NUBP1: variants seen among roughly 807,000 people sequenced by gnomAD.
The protein encoded by NUBP1 is cytosolic Fe-S cluster assembly factor NUBP1.
A neutral mutation model predicts 41.8 loss-of-function variants in NUBP1; 46 were observed. The ratio of observed to expected loss-of-function variants is 1.10; its 90% confidence interval spans 0.87 to 1.41. The LOEUF is 1.41. Ranked by LOEUF, NUBP1 falls within the 40% of genes most tolerant of loss-of-function variation. The pLI, the probability that NUBP1 is intolerant of heterozygous loss-of-function variation, is 0.00. For missense variants in NUBP1, 494 were observed against 414.0 expected, an observed-to-expected ratio of 1.19 and a Z score of -1.68; for synonymous variants, 189 against 154.6, an observed-to-expected ratio of 1.22 and a Z score of -1.65.
chr16:10,768,994 G>T lies in NUBP1; in HGVS notation c.905-53G>T. 6.5e-7 allele frequency: 1 copy of T among 1,536,196 alleles called. No homozygotes were observed. The highest frequency in any genetic ancestry group is 2.2e-5 in the East Asian group (1 of 44,514). On this transcript the variant is annotated intron_variant, in intron 10 of 10. Transcript: ENST00000283027. This position sits in a 1 kb window ranked among gnomAD's most constrained non-coding sequence, Gnocchi z 4.3. Reference sequence around the variant, plus strand: ...GCCCTCCCCAGCACAGGACAGGGCTGTCAAGGGGTAGACAAGCCATTAGCA... The same window carrying T: ...GCCCTCCCCAGCACAGGACAGGGCTTTCAAGGGGTAGACAAGCCATTAGCA...
In NUBP1 at chr16:10,767,790, C is replaced by G. The variant is rs1405533191; in HGVS notation, c.821-159C>G. ...CTGGGGACCCTGCTGGAAGGAAGGT[C>G]CCTGAGACCCCACTGGTCTTTTCTA... On this transcript the variant is annotated intron_variant, in intron 9 of 10. Transcript: ENST00000283027. The surrounding 1 kb of genome is among the most constrained non-coding windows in gnomAD (Gnocchi z 4.6). The G allele has an allele frequency of 1.6e-6, 1 of 641,780 alleles. No homozygotes were observed. The highest frequency in any genetic ancestry group is 1.8e-5 in the African/African-American group (1 of 54,586). The allele number at this position is 641,780 out of a possible 1,614,324, so 39.8% of individuals were successfully genotyped here. A position where few individuals can be genotyped will look rare whatever the true frequency, so the allele number is the denominator to read the frequency against.
intron 9 of NUBP1, among the ~76,000 whole-genome samples, chr16:10,762,857 G>A (rs891666029): frequency 6.6e-6 from 1 of 152,184 alleles, no homozygotes; most frequent in Non-Finnish European, 1.5e-5. Context: ...GAGGCGGGGA[G>A]GGCGGAGGCC....
At position 10,749,098 on chromosome 16, in the gene NUBP1, A is replaced by C. The variant is rs1900188156; in HGVS notation, c.258+1822A>C. ...AGACAAGACTCCATTTAAAAAAAAA[A>C]AAGGATATAGATAGATACACAGACA... On this transcript the variant is annotated intron_variant, in intron 3 of 10. Transcript: ENST00000283027. The surrounding 1 kb of genome is among the most constrained non-coding windows in gnomAD (Gnocchi z 4.1). Among the ~76,000 whole-genome samples the C allele has an allele frequency of 6.8e-6, 1 of 147,850 alleles. No individual in the cohort carries two copies. Among genetic ancestry groups the C allele is most frequent in the African/African-American group, 2.6e-5 (1 of 38,854 alleles).
chr16:10,753,493 G>A (rs1900418031), intron 4 of NUBP1, among the ~76,000 whole-genome samples: 1 of 151,788 alleles, frequency 6.6e-6, no homozygotes, highest in Non-Finnish European at 1.5e-5. Flanking sequence ...CTCCAAGAGA[G>A]GATTCCCCCA....
intron 2 of NUBP1, 33 bp downstream of exon 2, chr16:10,744,098 AG>A (rs1899944973): frequency 7.4e-7 from 1 of 1,348,204 alleles, no homozygotes; most frequent in Admixed American, 2.7e-5. Context: ...ACAGGAACTT[AG>A]AGGCGCAGGC....
Position 10,768,164 on chromosome 16 carries a change from A to G in NUBP1, c.904+132A>G. On this transcript the variant is annotated intron_variant, in intron 10 of 10. Coordinates refer to ENST00000283027, the MANE Select transcript of NUBP1 (RefSeq NM_002484.4). The surrounding 1 kb of genome is among the most constrained non-coding windows in gnomAD (Gnocchi z 4.3). ...ACAGAGTGGCCCCCATAGCCGAGGA[A>G]GCCAGGAGTCCATGAGAAATCTCTC... The G allele has an allele frequency of 2.8e-6, 2 of 703,398 alleles. No individual in the cohort carries two copies. The highest frequency in any genetic ancestry group is 1.7e-5 in the South Asian group (1 of 57,196). The allele number at this position is 703,398 out of a possible 1,614,324, so 43.6% of individuals were successfully genotyped here. A position where few individuals can be genotyped will look rare whatever the true frequency, so the allele number is the denominator to read the frequency against.
chr16:10,743,856 G>C lies in NUBP1; in HGVS notation c.-8G>C. 1.3e-6 allele frequency: 2 copies of C among 1,562,812 alleles called. No individual in the cohort carries two copies. The highest frequency in any genetic ancestry group is 1.2e-5 in the South Asian group (1 of 84,792). On this transcript the variant is annotated 5_prime_UTR_variant, in exon 1 of 11. Coordinates refer to ENST00000283027, the MANE Select transcript of NUBP1 (RefSeq NM_002484.4). ...TCCGGTGACCACGAAGGCGGCAAAG[G>C]CGACGGAATGGAGGAGGTGCCTCAC...
chr16:10,762,627 G>C (rs1251262992), intron 9 of NUBP1, among the ~76,000 whole-genome samples: 2 of 152,260 alleles, frequency 1.3e-5, no homozygotes, highest in South Asian at 2.1e-4. Flanking sequence ...TTAGGTCTGA[G>C]GGGAGAACAG....
chr16:10,747,291 A>G lies in NUBP1; in HGVS notation c.258+15A>G. On this transcript the variant is annotated intron_variant, in intron 3 of 10. Coordinates refer to ENST00000283027, the MANE Select transcript of NUBP1 (RefSeq NM_002484.4). ...AAAACACACAGGTGAGACCTCAGGA[A>G]CCACTGGGAGATGCTCATTTTGTCT... 6.2e-7 allele frequency: 1 copy of G among 1,611,930 alleles called. No homozygotes were observed. Among genetic ancestry groups the G allele is most frequent in the Non-Finnish European group, 8.5e-7 (1 of 1,179,446 alleles).
At chr16:10,752,106 G>C (rs1225189255) in intron 3 of NUBP1, among the ~76,000 whole-genome samples, 2 of 152,200 alleles carry the variant, frequency 1.3e-5, no homozygotes, top group Non-Finnish European at 2.9e-5. Flanking sequence ...TGCTTAAATA[G>C]TCTAGATTTG....
At chr16:10,762,459 C>A (rs901407269) in intron 9 of NUBP1, among the ~76,000 whole-genome samples, 1 of 152,228 alleles carries the variant, frequency 6.6e-6, no homozygotes, top group Non-Finnish European at 1.5e-5. Context: ...TCCACCCACA[C>A]GCCCGCCGGG....
chr16:10,748,115 T>A lies in NUBP1; in HGVS notation c.258+839T>A, dbSNP rs374825493. 5.9e-5 allele frequency among the ~76,000 whole-genome samples: 9 copies of A among 152,232 alleles called. No homozygotes were observed. The South Asian group carries it at 1.5e-3, about 25-fold the overall frequency. On this transcript the variant is annotated intron_variant, in intron 3 of 10. Transcript: ENST00000283027. ...ACAGGTGCTTGCCACCATGCCCGGC[T>A]AATTTTTGGGTTTTTTGTAGAGATG...
rs954185470 is a variant in NUBP1 at position 10,749,078 on chromosome 16, A to G, written c.258+1802A>G. Reference sequence around the variant, plus strand: ...TGCACTCCAGCCTGGGTGACAGACAAGACTCCATTTAAAAAAAAAAAAGGA... The same window carrying G: ...TGCACTCCAGCCTGGGTGACAGACAGGACTCCATTTAAAAAAAAAAAAGGA... On this transcript the variant is annotated intron_variant, in intron 3 of 10. Transcript: ENST00000283027. This position sits in a 1 kb window ranked among gnomAD's most constrained non-coding sequence, Gnocchi z 4.1. 8.6e-5 allele frequency among the ~76,000 whole-genome samples: 13 copies of G among 151,132 alleles called. No individual in the cohort carries two copies. The highest frequency in any genetic ancestry group is 1.6e-4 in the Non-Finnish European group (11 of 67,802).
rs567164251 is a variant in NUBP1, at chr16:10,757,966, C to T, written c.545C>T (p.Ser182Leu). 45 of 1,614,096 alleles carry T rather than the reference C, an allele frequency of 2.8e-5. No homozygotes were observed. The highest frequency in any genetic ancestry group is 1.1e-4 in the East Asian group (5 of 44,872). Residue 182 changes from serine to leucine, a missense_variant, in exon 7 of 11, where the codon TCG (serine) becomes TTG (leucine). Coordinates refer to ENST00000283027, the MANE Select transcript of NUBP1 (RefSeq NM_002484.4). The surrounding 1 kb of genome is among the most constrained non-coding windows in gnomAD (Gnocchi z 4.1). ...CCTGGGACGTCGGATGAACACCTCT[C>T]GGTCGTCCGGTACCTGGCCACAGCA... Reference protein sequence around the residue: ...TPPGTSDEHLSVVRYLATAHI... With the variant: ...TPPGTSDEHLLVVRYLATAHI...
intron 2 of NUBP1, 103 bp from the exon 3 acceptor site, chr16:10,747,040 A>C (rs1900093379): frequency 7.4e-7 from 1 of 1,356,694 alleles, no homozygotes; most frequent in Non-Finnish European, 1.0e-6. Flanking sequence ...CAGCCCCAGG[A>C]CTAGTACTAG....
Position 10,765,374 on chromosome 16 carries a change from G to A in NUBP1, c.821-2575G>A, listed in dbSNP as rs2030724647. ...AGGAAAAAATTCACCCAGTGTGGTG[G>A]CATGTGCCTGTGGTCCCAGCTACTC... On this transcript the variant is annotated intron_variant, in intron 9 of 10. Transcript: ENST00000283027. This position sits in a 1 kb window ranked among gnomAD's most constrained non-coding sequence, Gnocchi z 4.0. Among the ~76,000 whole-genome samples the A allele has an allele frequency of 6.6e-6, 1 of 151,118 alleles. No homozygotes were observed. Among genetic ancestry groups the A allele is most frequent in the Admixed American group, 6.6e-5 (1 of 15,134 alleles).
chr16:10,760,534 C>G (rs1464079254), intron 7 of NUBP1, among the ~76,000 whole-genome samples: 1 of 152,186 alleles, frequency 6.6e-6, no homozygotes, highest in Non-Finnish European at 1.5e-5. Flanking sequence ...TCACTTCACA[C>G]CAGAAGCTTA....
rs11863511 is a variant in NUBP1, at chr16:10,743,871, A to C, written c.8A>C (p.Glu3Ala). The change falls in exon 1 of 11, where the codon GAG (glutamate) becomes GCG (alanine). Residue 3 changes from glutamate to alanine, a missense_variant. By Grantham distance (107) the Glu-to-Ala change is moderately radical. Transcript: ENST00000283027. ...GGCGGCAAAGGCGACGGAATGGAGG[A>C]GGTGCCTCACGGTAAGCTCGCGGAG... Reference protein sequence around the residue: MEEVPHDCPGADS... With the variant: MEAVPHDCPGADS... 611 of 1,565,986 alleles carry C rather than the reference A, an allele frequency of 3.9e-4. 1 individual carries two copies. The African/African-American group carries it at 7.7e-3, about 20-fold the overall frequency.
intron 2 of NUBP1, among the ~76,000 whole-genome samples, chr16:10,746,922 C>T (rs938330867): frequency 1.2e-4 from 19 of 152,132 alleles, no homozygotes; most frequent in East Asian, 1.9e-4. Flanking sequence ...GGGAGACAAA[C>T]GTGTAAACCA....
Sources: allele counts gnomAD v4.1 joint callset (sites outside exome capture counted in the v4.1 genomes callset), GRCh38; gene constraint gnomAD v4.1.1; non-coding constraint Gnocchi (gnomAD v3.1); transcripts MANE v1.5; gene names NCBI Gene and HGNC (gene_info 2026-07-23, HGNC 2026-07-21).